Variants in SDK1 observed in about 807,000 individuals in gnomAD.
SDK1 encodes protein sidekick-1.
A neutral mutation model predicts 245.5 loss-of-function variants in SDK1; 157 were observed. That is an observed-to-expected ratio of 0.64 (90% CI 0.56 to 0.73). The LOEUF is 0.73. SDK1 is among the 30% of genes least tolerant of loss of function. The pLI, the probability that SDK1 is intolerant of heterozygous loss-of-function variation, is 0.00. For missense variants in SDK1, 3,583 were observed against 3,002.3 expected, an observed-to-expected ratio of 1.19 and a Z score of -4.52; for synonymous variants, 1,647 against 1,278.5, an observed-to-expected ratio of 1.29 and a Z score of -6.15.
At chr7:3,650,014 G>GAAA (rs35857495) in intron 4 of SDK1, among the ~76,000 whole-genome samples, 4 of 143,286 alleles carry the variant, frequency 2.8e-5, no homozygotes, top group African/African-American at 8.0e-5. Flanking sequence ...TTTTTGTTTT[G>GAAA]AAAAAAAAAA....
intron 16 of SDK1, among the ~76,000 whole-genome samples, chr7:4,013,955 G>C (rs903712570): frequency 4.6e-5 from 7 of 152,216 alleles, no homozygotes; most frequent in African/African-American, 1.7e-4. Flanking sequence ...GACCACCTCC[G>C]CTCCAGAAAA....
At chr7:3,415,792 T>C (rs1377188444) in intron 1 of SDK1, among the ~76,000 whole-genome samples, 1 of 152,006 alleles carries the variant, frequency 6.6e-6, no homozygotes, top group African/African-American at 2.4e-5. Flanking sequence ...GTAGGGACTA[T>C]GTTTTCTTCA....
At position 4,198,971 on chromosome 7, in the gene SDK1, G is replaced by A. The variant is rs540375868; in HGVS notation, c.5099-6908G>A. On this transcript the variant is annotated intron_variant, in intron 35 of 44. Transcript: ENST00000404826. ...TGAAATTACAGGCACGCACCACCACGCCTGGCTAATTTTTGTGTTTTTAGT... is the reference window on the plus strand; with the variant it reads ...TGAAATTACAGGCACGCACCACCACACCTGGCTAATTTTTGTGTTTTTAGT... Among the ~76,000 whole-genome samples the A allele has an allele frequency of 4.6e-5, 7 of 151,882 alleles. 1 individual carries two copies. Among genetic ancestry groups the A allele is most frequent in the South Asian group, 2.1e-4 (1 of 4,796 alleles).
chr7:3,857,889 A>G (rs1001620374), intron 5 of SDK1, among the ~76,000 whole-genome samples: 1 of 152,234 alleles, frequency 6.6e-6, no homozygotes, highest in Non-Finnish European at 1.5e-5. Context: ...ATTTTTGAAT[A>G]AACTGATCAA....
chr7:3,959,997 A>G (rs1224687840), intron 8 of SDK1, among the ~76,000 whole-genome samples: 1 of 152,214 alleles, frequency 6.6e-6, no homozygotes, highest in African/African-American at 2.4e-5. Flanking sequence ...TATTCTGGCA[A>G]CTATCAGGAA....
At chr7:4,134,185 A>G (rs956462336) in intron 28 of SDK1, among the ~76,000 whole-genome samples, 2 of 152,136 alleles carry the variant, frequency 1.3e-5, no homozygotes, top group African/African-American at 2.4e-5. Context: ...GCTGTGACCT[A>G]TTTTCGCTTT....
rs150325254 is a variant in SDK1 at position 4,227,712 on chromosome 7, C to T, written c.5828-5543C>T. Among the ~76,000 whole-genome samples, 9 of 152,320 alleles carry T rather than the reference C, an allele frequency of 5.9e-5. No individual in the cohort carries two copies. In the South Asian group the frequency reaches 1.0e-3, roughly 18 times the overall value. On this transcript the variant is annotated intron_variant, in intron 40 of 44. Transcript: ENST00000404826. Reference sequence around the variant, plus strand: ...TCAAACTTTTGTATTGGCATGACGTCGGCCCTAATACCTGCAGCACGCAGC... The same window carrying T: ...TCAAACTTTTGTATTGGCATGACGTTGGCCCTAATACCTGCAGCACGCAGC...
chr7:3,517,195 T>A lies in SDK1; in HGVS notation c.299-101885T>A, dbSNP rs974905835. 3.3e-5 allele frequency among the ~76,000 whole-genome samples: 5 copies of A among 152,196 alleles called. No individual in the cohort carries two copies. The South Asian group carries it at 1.0e-3, about 31-fold the overall frequency. On this transcript the variant is annotated intron_variant, in intron 1 of 44. Coordinates refer to ENST00000404826, the MANE Select transcript of SDK1 (RefSeq NM_152744.4). ...AGCAGCATGTGGTGTGATAGGAAGCTGTATTATTAGGTTTATAAGAGTGCC... is the reference window on the plus strand; with the variant it reads ...AGCAGCATGTGGTGTGATAGGAAGCAGTATTATTAGGTTTATAAGAGTGCC...
intron 4 of SDK1, among the ~76,000 whole-genome samples, chr7:3,765,494 G>A (rs1436630599): frequency 3.6e-4 from 55 of 152,192 alleles, no homozygotes; most frequent in Admixed American, 3.5e-3. Context: ...CTGCGCTGTG[G>A]TGAATGGTTT....
chr7:4,229,696 C>T (rs1785633158), intron 40 of SDK1, among the ~76,000 whole-genome samples: 1 of 152,166 alleles, frequency 6.6e-6, no homozygotes, highest in South Asian at 2.1e-4. Context: ...AAATCCTTCA[C>T]TTTCTTAGTC....
intron 1 of SDK1, among the ~76,000 whole-genome samples, chr7:3,589,970 C>G (rs1384965280): frequency 6.6e-6 from 1 of 152,202 alleles, no homozygotes; most frequent in Non-Finnish European, 1.5e-5. Flanking sequence ...TGCACTTGAC[C>G]TGAGTCATGT....
intron 13 of SDK1, 142 bp downstream of exon 13, chr7:3,974,687 A>AG (rs1370429480): frequency 1.5e-6 from 1 of 675,458 alleles, no homozygotes; most frequent in Non-Finnish European, 2.4e-6. Context: ...ATGCTGCATA[A>AG]CTACATATAT....
At chr7:4,179,837 C>G (rs1426071819) in intron 35 of SDK1, among the ~76,000 whole-genome samples, 1 of 151,724 alleles carries the variant, frequency 6.6e-6, no homozygotes, top group East Asian at 2.0e-4. Flanking sequence ...GTGACTGGGC[C>G]CCAGTTGGCC....
At chr7:3,462,145 A>G (rs1562500220) in intron 1 of SDK1, among the ~76,000 whole-genome samples, 1 of 152,128 alleles carries the variant, frequency 6.6e-6, no homozygotes, top group Non-Finnish European at 1.5e-5. Context: ...ATTGCTCTGC[A>G]GAGGCTGATC....
At chr7:3,333,334 TG>T (rs1204239526) in intron 1 of SDK1, among the ~76,000 whole-genome samples, 1 of 152,212 alleles carries the variant, frequency 6.6e-6, no homozygotes, top group Non-Finnish European at 1.5e-5. Context: ...TACATACAAA[TG>T]GTGTATGAAA....
chr7:4,094,770 C>A (rs903203225), intron 22 of SDK1, among the ~76,000 whole-genome samples: 3 of 152,128 alleles, frequency 2.0e-5, no homozygotes, highest in African/African-American at 2.4e-5. Flanking sequence ...CCAGGAGAAT[C>A]GGGTCACTCA....
At chr7:3,589,688 C>A in intron 1 of SDK1, among the ~76,000 whole-genome samples, 1 of 152,022 alleles carries the variant, frequency 6.6e-6, no homozygotes, top group East Asian at 1.9e-4. Context: ...TTTATAAAAC[C>A]ATCAGATCTT....
intron 8 of SDK1, among the ~76,000 whole-genome samples, chr7:3,959,621 A>AT (rs1047510782): frequency 2.0e-5 from 3 of 152,116 alleles, no homozygotes; most frequent in African/African-American, 4.8e-5. Context: ...CTCTGCATCC[A>AT]TGTGCACATG....
intron 22 of SDK1, among the ~76,000 whole-genome samples, chr7:4,108,159 T>C (rs1011910877): frequency 2.6e-5 from 4 of 152,170 alleles, no homozygotes; most frequent in African/African-American, 9.7e-5. Flanking sequence ...GGTTCCAGTC[T>C]CAGCATTGTG....
Sources: gnomAD v4.1 joint callset for allele counts (sites outside exome capture counted in the v4.1 genomes callset) on GRCh38, gnomAD v4.1.1 for gene constraint, MANE v1.5 for transcripts, NCBI Gene and HGNC (gene_info 2026-07-23, HGNC 2026-07-21) for gene names.